Variants in RSPO3 observed in about 807,000 individuals in gnomAD.
RSPO3 encodes the protein R-spondin 3.
A neutral mutation model predicts 36.5 loss-of-function variants in RSPO3; 17 were observed. The observed-to-expected ratio is 0.47, with a 90% CI of 0.32 to 0.70. RSPO3 has a LOEUF of 0.70. Among genes scored for constraint, RSPO3 ranks in the 30% least tolerant of loss-of-function variants. The pLI is 0.04. For missense variants in RSPO3, 294 were observed against 322.5 expected (o/e 0.91, Z 0.68); for synonymous variants, 108 against 107.0 (o/e 1.01, Z -0.06).
chr6:127,144,726 A>C (rs1774348404), intron 1 of RSPO3, among the ~76,000 whole-genome samples: 1 of 141,776 alleles, frequency 7.1e-6, no homozygotes, highest in East Asian at 2.2e-4. Context: ...TTAACCTCCA[A>C]CTCCCAGGCT....
chr6:127,177,927 T>C (rs957123967), intron 4 of RSPO3, among the ~76,000 whole-genome samples: 3 of 151,740 alleles, frequency 2.0e-5, no homozygotes, highest in Middle Eastern at 6.8e-3. Context: ...AATGGTGAAA[T>C]AACTTTTGTC....
intron 4 of RSPO3, among the ~76,000 whole-genome samples, chr6:127,157,124 T>C (rs1158746057): frequency 2.0e-5 from 3 of 152,134 alleles, no homozygotes; most frequent in Admixed American, 2.0e-4. Flanking sequence ...ATTTAAAACA[T>C]CTTAGATTTT....
Position 127,148,787 on chromosome 6 carries a change from A to G in RSPO3, c.237A>G (p.Ser79=). Residue 79 remains serine, a synonymous_variant, in exon 2 of 5, where the codon TCA becomes TCG. Transcript: ENST00000356698. ...AGCAGATTGGAGTATGTCTCTCTTC[A>G]TGTCCAAGTGGATATTATGGAACTC... ...GMKQIGVCLS[S]CPSGYYGTRY... 1 of 1,613,036 alleles carries G rather than the reference A, an allele frequency of 6.2e-7. No homozygotes were observed. Among genetic ancestry groups the G allele is most frequent in the Non-Finnish European group, 8.5e-7 (1 of 1,179,260 alleles).
chr6:127,125,325 A>C (rs1456802609), intron 1 of RSPO3, among the ~76,000 whole-genome samples: 2 of 152,214 alleles, frequency 1.3e-5, no homozygotes, highest in African/African-American at 4.8e-5. Flanking sequence ...TTGTGGTAGA[A>C]TCTGAGACCT....
Position 127,148,734 on chromosome 6 carries a change from T to G in RSPO3, c.184T>G (p.Phe62Val). Residue 62 changes from phenylalanine (F) to valine (V), a missense_variant, in exon 2 of 5, where the codon TTT (phenylalanine) becomes GTT (valine). Transcript: ENST00000356698. ...ATGTTTGTCATGTAAGCCCAGACTA[T>G]TTTTTGCTCTGGAAAGAATTGGCAT... is the stretch of plus-strand genomic sequence containing the variant. ...NGCLSCKPRL[F>V]FALERIGMKQ... is the part of the protein sequence containing the mutation. The G allele has an allele frequency of 6.2e-7, 1 of 1,613,226 alleles. No individual in the cohort carries two copies. The highest frequency in any genetic ancestry group is 8.5e-7 in the Non-Finnish European group (1 of 1,179,392).
At chr6:127,122,734 C>A (rs1773869192) in intron 1 of RSPO3, among the ~76,000 whole-genome samples, 1 of 152,082 alleles carries the variant, frequency 6.6e-6, no homozygotes, top group South Asian at 2.1e-4. Flanking sequence ...TTCTCCTTGA[C>A]TGGAAATTTT....
chr6:127,188,368 T>A (rs1159361212), intron 4 of RSPO3, among the ~76,000 whole-genome samples: 1 of 152,194 alleles, frequency 6.6e-6, no homozygotes, highest in Non-Finnish European at 1.5e-5. Context: ...TTATGATGTC[T>A]GCTATAAGGT....
rs4481455 is a variant in RSPO3 at position 127,193,873 on chromosome 6, T to G, written c.635-1950T>G. 6.8e-4 allele frequency among the ~76,000 whole-genome samples: 103 copies of G among 152,240 alleles called. 1 individual carries two copies. In the East Asian group the frequency reaches 0.019, roughly 27 times the overall value. ...AAGTGAAAAGAATAATGGAATCGAG[T>G]AATCAGAATATAAGTAGTTCAGTTT... On this transcript the variant is annotated intron_variant, in intron 4 of 4. Transcript: ENST00000356698.
rs894204983 is a variant in RSPO3 at position 127,197,978 on chromosome 6, C to T, written c.*1971C>T. Reference sequence around the variant, plus strand: ...CCTTTCGGATGATTTCATATACCATCTTTCTTCTGAGTGTTACCCAGTCAA... The same window carrying T: ...CCTTTCGGATGATTTCATATACCATTTTTCTTCTGAGTGTTACCCAGTCAA... On this transcript the variant is annotated 3_prime_UTR_variant, in exon 5 of 5. Transcript: ENST00000356698. Among the ~76,000 whole-genome samples, 3 of 152,242 alleles carry T rather than the reference C, an allele frequency of 2.0e-5. No individual in the cohort carries two copies. The highest frequency in any genetic ancestry group is 7.2e-5 in the African/African-American group (3 of 41,464).
chr6:127,158,394 T>C (rs1409190745), intron 4 of RSPO3, among the ~76,000 whole-genome samples: 1 of 152,120 alleles, frequency 6.6e-6, no homozygotes, highest in Admixed American at 6.5e-5. Flanking sequence ...GCTTTTCTTA[T>C]GAATTTAAAG....
At chr6:127,161,293 G>T (rs752938534) in intron 4 of RSPO3, among the ~76,000 whole-genome samples, 10 of 152,088 alleles carry the variant, frequency 6.6e-5, no homozygotes, top group Non-Finnish European at 1.3e-4. Context: ...AAAATGAAAT[G>T]ACAGTTTTTA....
At chr6:127,124,956 C>T (rs371206494) in intron 1 of RSPO3, among the ~76,000 whole-genome samples, 1 of 152,072 alleles carries the variant, frequency 6.6e-6, no homozygotes, top group Admixed American at 6.5e-5. Context: ...GTTTCAATAA[C>T]ATGGATCTTT....
intron 1 of RSPO3, among the ~76,000 whole-genome samples, chr6:127,122,905 C>A (rs1429426124): frequency 6.6e-6 from 1 of 151,848 alleles, no homozygotes; most frequent in African/African-American, 2.4e-5. Context: ...CATTTAGCAT[C>A]CTTTTTATTT....
At chr6:127,124,142 T>C (rs192353805) in intron 1 of RSPO3, among the ~76,000 whole-genome samples, 103 of 152,152 alleles carry the variant, frequency 6.8e-4, no homozygotes, top group African/African-American at 2.3e-3. Context: ...ACCTCTGCAA[T>C]TATAAGAATG....
At chr6:127,140,971 G>A (rs1774257928) in intron 1 of RSPO3, among the ~76,000 whole-genome samples, 1 of 152,122 alleles carries the variant, frequency 6.6e-6, no homozygotes, top group Admixed American at 6.6e-5. Context: ...TGTATTTAAG[G>A]AAGTTTCCCA....
chr6:127,155,405 G>A lies in RSPO3; in HGVS notation c.601G>A (p.Val201Met), dbSNP rs1292046163. 5 of 1,613,620 alleles carry A rather than the reference G, an allele frequency of 3.1e-6. No individual in the cohort carries two copies. The highest frequency in any genetic ancestry group is 4.2e-6 in the Non-Finnish European group (5 of 1,179,806). ...PPTNETRKCT[V>M]QRKKCQKGER... ...AACAAATGAGACAAGAAAGTGTACA[G>A]TGCAAAGGAAGAAGTGTCAGAAGGG... The change falls in exon 4 of 5, where the codon GTG becomes ATG. Residue 201 changes from valine (V) to methionine (M), a missense_variant. Coordinates refer to ENST00000356698, the MANE Select transcript of RSPO3 (RefSeq NM_032784.5).
intron 1 of RSPO3, among the ~76,000 whole-genome samples, chr6:127,146,606 T>G (rs951219107): frequency 6.6e-6 from 1 of 152,170 alleles, no homozygotes; most frequent in African/African-American, 2.4e-5. Context: ...GGCAAAAGTT[T>G]CAGAATACAT....
rs760990544 is a variant in RSPO3 at position 127,195,953 on chromosome 6, G to A, written c.765G>A (p.Lys255=). 93 of 1,612,900 alleles carry A rather than the reference G, an allele frequency of 5.8e-5. No homozygotes were observed. Among genetic ancestry groups the A allele is most frequent in the East Asian group, 4.5e-4 (20 of 44,858 alleles). The change falls in exon 5 of 5, where the codon AAG becomes AAA. Residue 255 remains lysine, a synonymous_variant. Transcript: ENST00000356698. The part of the protein sequence containing the change: ...PEQRENKQQQ[K]KRKVQDKQKS... ...AACGAGAAAACAAACAGCAGCAGAAGAAGCGAAAAGTCCAAGATAAACAGA... is the reference window on the plus strand; with the variant it reads ...AACGAGAAAACAAACAGCAGCAGAAAAAGCGAAAAGTCCAAGATAAACAGA...
chr6:127,151,783 G>GA (rs1012725124), intron 3 of RSPO3, among the ~76,000 whole-genome samples: 3 of 151,488 alleles, frequency 2.0e-5, no homozygotes, highest in East Asian at 1.9e-4. Context: ...AAAACACATG[G>GA]AAAAAAAAGC....
Sources: gnomAD v4.1 joint callset for allele counts (sites outside exome capture counted in the v4.1 genomes callset) on GRCh38, gnomAD v4.1.1 for gene constraint, MANE v1.5 for transcripts, NCBI Gene and HGNC (gene_info 2026-07-23, HGNC 2026-07-21) for gene names.